CTNNA3: variants seen among roughly 807,000 people sequenced by gnomAD.
CTNNA3 encodes catenin alpha 3, also known as catenin alpha-3.
A neutral mutation model predicts 95.7 loss-of-function variants in CTNNA3; 76 were observed. The ratio of observed to expected loss-of-function variants is 0.79; its 90% CI spans 0.66 to 0.96. CTNNA3 has a LOEUF of 0.96. CTNNA3 is among the 40% of genes least tolerant of loss of function. The probability of loss-of-function intolerance (pLI) is 0.00; values close to 1 mark genes in which losing one functional copy is unlikely to be tolerated. For missense variants in CTNNA3, 1,191 were observed against 1,089.8 expected (o/e 1.09, Z -1.31); for synonymous variants, 431 against 374.4 (o/e 1.15, Z -1.74).
At chr10:65,985,624 A>G (rs1373092606) in intron 16 of CTNNA3, among the ~76,000 whole-genome samples, 3 of 151,400 alleles carry the variant, frequency 2.0e-5, no homozygotes, top group African/African-American at 7.2e-5. Context: ...GTTGACACAG[A>G]AAACCTAACA....
chr10:66,772,998 T>C (rs1452274217), intron 8 of CTNNA3, among the ~76,000 whole-genome samples: 6 of 152,246 alleles, frequency 3.9e-5, no homozygotes, highest in Non-Finnish European at 7.3e-5. Flanking sequence ...ATATGTGAGA[T>C]GCTTACAACA....
chr10:67,726,995 T>TA (rs1841235195), intron 1 of CTNNA3, among the ~76,000 whole-genome samples: 1 of 113,964 alleles, frequency 8.8e-6, no homozygotes, highest in African/African-American at 3.6e-5. Context: ...TATATAATTA[T>TA]ATATAATATA....
intron 5 of CTNNA3, among the ~76,000 whole-genome samples, chr10:67,221,035 A>G (rs571745779): frequency 3.1e-4 from 47 of 152,322 alleles, no homozygotes; most frequent in Non-Finnish European, 5.9e-4. Context: ...ACAAGCTGTC[A>G]CAGAACAGAG....
At chr10:67,097,179 A>G (rs184737101) in intron 7 of CTNNA3, among the ~76,000 whole-genome samples, 2 of 151,938 alleles carry the variant, frequency 1.3e-5, no homozygotes, top group Admixed American at 1.3e-4. Flanking sequence ...AAGTTTGAGA[A>G]TCACTCTTGT....
intron 5 of CTNNA3, among the ~76,000 whole-genome samples, chr10:67,242,227 G>A (rs1279477315): frequency 1.3e-5 from 2 of 152,160 alleles, no homozygotes; most frequent in African/African-American, 2.4e-5. Flanking sequence ...AAATTAAAGT[G>A]TGGTCCATAA....
At chr10:66,147,715 A>T (rs2083971484) in intron 13 of CTNNA3, among the ~76,000 whole-genome samples, 1 of 150,088 alleles carries the variant, frequency 6.7e-6, no homozygotes, top group African/African-American at 2.5e-5. Context: ...TACCTGTAAG[A>T]TACGTTTATA....
chr10:67,584,106 G>T (rs1387598574), intron 3 of CTNNA3, among the ~76,000 whole-genome samples: 1 of 152,142 alleles, frequency 6.6e-6, no homozygotes, highest in African/African-American at 2.4e-5. Flanking sequence ...TTCCGTTGCT[G>T]GCAAGGAGCT....
At chr10:67,117,225 C>T (rs1859230395) in intron 7 of CTNNA3, among the ~76,000 whole-genome samples, 1 of 151,746 alleles carries the variant, frequency 6.6e-6, no homozygotes, top group African/African-American at 2.4e-5. Flanking sequence ...GAAATTTAAC[C>T]ATGTGATCTT....
At chr10:67,762,135 G>A (rs1044617405) in intron 1 of CTNNA3, among the ~76,000 whole-genome samples, 23 of 148,894 alleles carry the variant, frequency 1.5e-4, no homozygotes, top group Middle Eastern at 3.6e-3. Context: ...GGGGGCGGGG[G>A]GAATCAACAA....
At chr10:67,447,976 T>C (rs1376404403) in intron 5 of CTNNA3, among the ~76,000 whole-genome samples, 1 of 152,248 alleles carries the variant, frequency 6.6e-6, no homozygotes, top group African/African-American at 2.4e-5. Flanking sequence ...CACTTAACTT[T>C]GCAGAAAGTG....
chr10:67,305,960 G>A (rs1840537880), intron 5 of CTNNA3, among the ~76,000 whole-genome samples: 1 of 152,178 alleles, frequency 6.6e-6, no homozygotes, highest in African/African-American at 2.4e-5. Flanking sequence ...TATAGGTTGA[G>A]TAAATGAGGT....
intron 13 of CTNNA3, among the ~76,000 whole-genome samples, chr10:66,105,201 C>T (rs7074454): frequency 0.6 from 91,642 of 152,034 alleles, 27,723 homozygotes; most frequent in East Asian, 0.71. Flanking sequence ...GCTATTATCT[C>T]AGGACAATTT....
intron 3 of CTNNA3, among the ~76,000 whole-genome samples, chr10:67,596,908 C>T (rs1171562512): frequency 6.6e-6 from 1 of 152,190 alleles, no homozygotes; most frequent in Admixed American, 6.5e-5. Flanking sequence ...GCCAATGAGT[C>T]ATAGATTTGG....
At chr10:66,407,375 T>G (rs2093065835) in intron 11 of CTNNA3, among the ~76,000 whole-genome samples, 1 of 152,026 alleles carries the variant, frequency 6.6e-6, no homozygotes, top group South Asian at 2.1e-4. Context: ...TGGATGGGCC[T>G]GTTTCTGTAC....
intron 5 of CTNNA3, among the ~76,000 whole-genome samples, chr10:67,322,994 T>G (rs1232264510): frequency 6.6e-6 from 1 of 152,230 alleles, no homozygotes; most frequent in Non-Finnish European, 1.5e-5. Flanking sequence ...TTTTTTCATA[T>G]GATTCTTGGC....
chr10:67,430,537 T>A (rs1381793704), intron 5 of CTNNA3, among the ~76,000 whole-genome samples: 1 of 151,606 alleles, frequency 6.6e-6, no homozygotes, highest in Non-Finnish European at 1.5e-5. Context: ...TACCCAGAAT[T>A]TTTTTTTACT....
chr10:66,798,165 G>A (rs576717670), intron 7 of CTNNA3, among the ~76,000 whole-genome samples: 2 of 151,746 alleles, frequency 1.3e-5, no homozygotes, highest in African/African-American at 4.8e-5. Flanking sequence ...AAGATCAAAA[G>A]CTTAGAAGTG....
chr10:66,506,781 A>G (rs1372510667), intron 11 of CTNNA3, among the ~76,000 whole-genome samples: 1 of 152,134 alleles, frequency 6.6e-6, no homozygotes, highest in Non-Finnish European at 1.5e-5. Flanking sequence ...TAAAAGATAT[A>G]TTTGTATTGA....
intron 15 of CTNNA3, among the ~76,000 whole-genome samples, chr10:66,062,863 A>G (rs571775289): frequency 2.3e-4 from 35 of 152,118 alleles, no homozygotes; most frequent in Non-Finnish European, 3.7e-4. Flanking sequence ...TTGTCACTCT[A>G]TGGAGTTATG....
Sources: gnomAD v4.1 joint callset for allele counts (sites outside exome capture counted in the v4.1 genomes callset) on GRCh38, gnomAD v4.1.1 for gene constraint, MANE v1.5 for transcripts, NCBI Gene and HGNC (gene_info 2026-07-23, HGNC 2026-07-21) for gene names.